TTC28: variants seen among roughly 807,000 people sequenced by gnomAD.
TTC28 encodes tetratricopeptide repeat domain 28, also known as tetratricopeptide repeat protein 28.
A neutral mutation model predicts 198.0 loss-of-function variants in TTC28; 61 were observed. That is an observed-to-expected ratio of 0.31 (90% CI 0.25 to 0.38). TTC28 has a LOEUF of 0.38. Among genes scored for constraint, TTC28 ranks in the 10% least tolerant of loss-of-function variants. The pLI, the probability that TTC28 is intolerant of heterozygous loss-of-function variation, is 1.00. For missense variants in TTC28, 2,678 were observed against 3,164.0 expected (o/e 0.85, Z 3.69); for synonymous variants, 1,171 against 1,297.8 (o/e 0.90, Z 2.10).
intron 1 of TTC28, among the ~76,000 whole-genome samples, chr22:28,646,525 T>A (rs1051162578): frequency 2.0e-5 from 3 of 152,174 alleles, no homozygotes; most frequent in Non-Finnish European, 4.4e-5. Flanking sequence ...AGGATACCAA[T>A]GTCATTTTTC....
At chr22:28,148,981 C>G (rs138896983) in intron 6 of TTC28, among the ~76,000 whole-genome samples, 1 of 152,312 alleles carries the variant, frequency 6.6e-6, no homozygotes, top group East Asian at 1.9e-4. Flanking sequence ...AAGACATACA[C>G]AGTAATTAAT....
chr22:28,598,121 G>A (rs778467444), intron 2 of TTC28, among the ~76,000 whole-genome samples: 3 of 151,974 alleles, frequency 2.0e-5, no homozygotes, highest in Non-Finnish European at 2.9e-5. Context: ...TTCTTGAATC[G>A]TTTTCCGTAA....
chr22:28,644,986 AT>A (rs1601658247), intron 1 of TTC28, among the ~76,000 whole-genome samples: 1 of 151,868 alleles, frequency 6.6e-6, no homozygotes, highest in East Asian at 1.9e-4. Context: ...TCTACTAAAA[AT>A]ACAAAAAATT....
At chr22:28,068,633 C>T (rs1940850265) in intron 12 of TTC28, among the ~76,000 whole-genome samples, 1 of 152,082 alleles carries the variant, frequency 6.6e-6, no homozygotes, top group Non-Finnish European at 1.5e-5. Context: ...CAAGGTTGAG[C>T]TAAAATCACC....
At chr22:28,273,720 T>C (rs1932239493) in intron 5 of TTC28, among the ~76,000 whole-genome samples, 1 of 152,096 alleles carries the variant, frequency 6.6e-6, no homozygotes, top group African/African-American at 2.4e-5. Context: ...CCAATACTAA[T>C]GAAAAGCATC....
At chr22:28,623,688 A>G (rs2051035252) in intron 2 of TTC28, among the ~76,000 whole-genome samples, 1 of 152,212 alleles carries the variant, frequency 6.6e-6, no homozygotes, top group African/African-American at 2.4e-5. Flanking sequence ...TTAATATTAT[A>G]AAGAGTATGT....
At chr22:28,259,394 A>T (rs1313823398) in intron 5 of TTC28, among the ~76,000 whole-genome samples, 1 of 152,166 alleles carries the variant, frequency 6.6e-6, no homozygotes, top group Non-Finnish European at 1.5e-5. Context: ...TAAGTAAAAC[A>T]ACAATTTGAC....
At chr22:28,674,265 G>GTTTTTTTTTTT (rs943369337) in intron 1 of TTC28, among the ~76,000 whole-genome samples, 1 of 107,664 alleles carries the variant, frequency 9.3e-6, no homozygotes. Flanking sequence ...TTTCTTTGTG[G>GTTTTTTTTTTT]TTTTTTTTTT....
At chr22:28,614,558 A>T (rs748171352) in intron 2 of TTC28, among the ~76,000 whole-genome samples, 2 of 152,262 alleles carry the variant, frequency 1.3e-5, no homozygotes, top group Non-Finnish European at 2.9e-5. Flanking sequence ...ACAAGGCTAC[A>T]GTAACCAAAA....
chr22:28,327,123 C>T (rs899936494), intron 2 of TTC28, among the ~76,000 whole-genome samples: 5 of 152,048 alleles, frequency 3.3e-5, no homozygotes, highest in East Asian at 1.9e-4. Context: ...ATGCATATTA[C>T]ACCTTATGTA....
chr22:28,099,011 G>A lies in TTC28; in HGVS notation c.3451C>T (p.Arg1151Ter), dbSNP rs1229388295. 1.9e-6 allele frequency: 3 copies of A among 1,551,832 alleles called. No individual in the cohort carries two copies. Among genetic ancestry groups the A allele is most frequent in the Admixed American group, 2.0e-5 (1 of 50,984 alleles). The change falls in exon 10 of 23, where the codon CGA becomes TGA. Residue 1151 changes from arginine (R) to a stop codon, truncating the protein, a stop_gained. Transcript: ENST00000397906. LOFTEE classifies it high-confidence loss of function. ...TCCGTGCTCAGCTGTGCCTCATGTCGGATTGTTTCAAACAAGGCTGATGCC... is the reference window on the plus strand; with the variant it reads ...TCCGTGCTCAGCTGTGCCTCATGTCAGATTGTTTCAAACAAGGCTGATGCC... ...YRASALFETI[R>*]HEAQLSTDYK...
chr22:28,085,583 C>T (rs1320757509), intron 12 of TTC28, among the ~76,000 whole-genome samples: 6 of 152,124 alleles, frequency 3.9e-5, no homozygotes. Flanking sequence ...ACCATCGAGG[C>T]TAGGAAGAAA....
At chr22:28,110,381 A>C (rs999470809) in intron 6 of TTC28, among the ~76,000 whole-genome samples, 1 of 152,250 alleles carries the variant, frequency 6.6e-6, no homozygotes, top group Non-Finnish European at 1.5e-5. Flanking sequence ...AATAATAAAC[A>C]TAACACCAAC....
chr22:28,510,963 C>T (rs1476651279), intron 2 of TTC28, among the ~76,000 whole-genome samples: 2 of 151,966 alleles, frequency 1.3e-5, no homozygotes, highest in Non-Finnish European at 2.9e-5. Flanking sequence ...GGCGAAGGAC[C>T]TCTTCAGAAA....
chr22:28,237,286 T>C (rs1160210216), intron 5 of TTC28, among the ~76,000 whole-genome samples: 3 of 152,186 alleles, frequency 2.0e-5, no homozygotes, highest in African/African-American at 7.2e-5. Flanking sequence ...CCACTGCATG[T>C]TGTGATCTAA....
chr22:28,673,537 A>G (rs900617420), intron 1 of TTC28, among the ~76,000 whole-genome samples: 1 of 152,210 alleles, frequency 6.6e-6, no homozygotes, highest in Non-Finnish European at 1.5e-5. Flanking sequence ...AAATGTTAGG[A>G]CAAATTTGAT....
intron 2 of TTC28, among the ~76,000 whole-genome samples, chr22:28,362,240 T>C (rs984007488): frequency 9.9e-5 from 15 of 152,082 alleles, no homozygotes; most frequent in Admixed American, 6.5e-4. Flanking sequence ...GTTCTCATGA[T>C]AGTGAATAAG....
rs576554950 is a variant in TTC28 at position 28,321,784 on chromosome 22, A to C, written c.382-15141T>G. 9.8e-4 allele frequency among the ~76,000 whole-genome samples: 150 copies of C among 152,320 alleles called. 1 individual carries two copies. Among genetic ancestry groups the C allele is most frequent in the African/African-American group, 2.5e-3 (103 of 41,578 alleles). ...TTTATAGTGGCAGGAATGATATGACAATACTGGACTTTTTAATTCTAAAAT... is the reference window on the plus strand; with the variant it reads ...TTTATAGTGGCAGGAATGATATGACCATACTGGACTTTTTAATTCTAAAAT... On this transcript the variant is annotated intron_variant, in intron 2 of 22. Transcript: ENST00000397906.
chr22:28,134,810 T>C (rs1943159480), intron 6 of TTC28, among the ~76,000 whole-genome samples: 1 of 152,096 alleles, frequency 6.6e-6, no homozygotes, highest in African/African-American at 2.4e-5. Flanking sequence ...TAATTTTAGT[T>C]CTAAACTTTC....
Sources: allele counts gnomAD v4.1 joint callset (sites outside exome capture counted in the v4.1 genomes callset), GRCh38; gene constraint gnomAD v4.1.1; transcripts MANE v1.5; gene names NCBI Gene and HGNC (gene_info 2026-07-23, HGNC 2026-07-21).